Variants in PTCHD4 observed in about 807,000 individuals in gnomAD.
PTCHD4 encodes patched domain-containing protein 4.
In PTCHD4, 33 loss-of-function variants were observed where a neutral mutation model predicts 58.1. The ratio of observed to expected loss-of-function variants is 0.57; its 90% CI spans 0.43 to 0.76. PTCHD4 has a LOEUF of 0.76. Ranked by LOEUF, PTCHD4 falls within the 30% of genes least tolerant of loss-of-function variation. PTCHD4 has a pLI of 0.00. For synonymous variants in PTCHD4, 478 were observed against 409.6 expected, an observed-to-expected ratio of 1.17 and a Z score of -2.02; for missense variants, 1,058 against 1,027.1, an observed-to-expected ratio of 1.03 and a Z score of -0.41.
chr6:48,055,159 G>A (rs1375662176), intron 3 of PTCHD4, among the ~76,000 whole-genome samples: 1 of 152,112 alleles, frequency 6.6e-6, no homozygotes, highest in East Asian at 1.9e-4. Flanking sequence ...CAAGAAACAG[G>A]ATCCACCCAG....
At chr6:47,975,447 G>T (rs575924651) in intron 4 of PTCHD4, among the ~76,000 whole-genome samples, 1 of 150,726 alleles carries the variant, frequency 6.6e-6, no homozygotes, top group Non-Finnish European at 1.5e-5. Context: ...TGTGTAGAAC[G>T]TGCAGGTCTG....
intron 4 of PTCHD4, among the ~76,000 whole-genome samples, chr6:47,972,564 G>A (rs1169171145): frequency 1.3e-5 from 2 of 152,034 alleles, no homozygotes; most frequent in Admixed American, 1.3e-4. Context: ...ATTGTATAAA[G>A]TTTAGCAAAG....
intron 3 of PTCHD4, among the ~76,000 whole-genome samples, chr6:48,032,883 T>C (rs1261199411): frequency 6.6e-6 from 1 of 152,144 alleles, no homozygotes; most frequent in East Asian, 1.9e-4. Flanking sequence ...ATTATTTTTA[T>C]TTCTCTACCT....
At chr6:47,893,100 T>C (rs1351598198) in intron 4 of PTCHD4, among the ~76,000 whole-genome samples, 2 of 152,188 alleles carry the variant, frequency 1.3e-5, no homozygotes, top group Admixed American at 1.3e-4. Flanking sequence ...AACCTCTGCC[T>C]CCCGGGTTCA....
chr6:47,900,753 CCTTT>C (rs1270402776), intron 4 of PTCHD4: 1 of 152,090 alleles, frequency 6.6e-6, no homozygotes, highest in East Asian at 1.9e-4. Flanking sequence ...TGTCAAATGC[CCTTT>C]CTTTGTCTAT....
At chr6:47,992,268 T>C (rs1768306314) in intron 4 of PTCHD4, among the ~76,000 whole-genome samples, 1 of 150,798 alleles carries the variant, frequency 6.6e-6, no homozygotes, top group Non-Finnish European at 1.5e-5. Flanking sequence ...TATAATTGTG[T>C]ATATATATAC....
intron 4 of PTCHD4, among the ~76,000 whole-genome samples, chr6:47,904,784 G>A (rs1161400878): frequency 6.6e-6 from 1 of 152,180 alleles, no homozygotes; most frequent in Non-Finnish European, 1.5e-5. Flanking sequence ...AGTTTAATGT[G>A]CTAGAGAGAT....
intron 1 of PTCHD4, among the ~76,000 whole-genome samples, chr6:48,089,680 A>G (rs573605536): frequency 6.6e-6 from 1 of 152,336 alleles, no homozygotes. Flanking sequence ...TTTAAATAGT[A>G]TTTGATATCT....
At chr6:48,009,192 C>A in intron 3 of PTCHD4, 78 bp from the exon 4 acceptor site, 1 of 1,430,136 alleles carries the variant, frequency 7.0e-7, no homozygotes, top group East Asian at 2.4e-5. Flanking sequence ...AGTGAAGGAG[C>A]ACAAGGAAGG....
Position 47,878,319 on chromosome 6 carries a change from T to G in PTCHD4, c.2516A>C (p.His839Pro), listed in dbSNP as rs995670605. The change falls in exon 5 of 5, where the codon CAC becomes CCC. Residue 839 changes from histidine (H) to proline (P), a missense_variant. By Grantham distance (77) the His-to-Pro change is moderately conservative. Coordinates refer to ENST00000339488, the MANE Select transcript of PTCHD4 (RefSeq NM_001384253.1). The part of the protein sequence containing the change: ...ECIEIQENPD[H>P]VTTV ...CTATACCCCTCATACTGTGGTGACG[T>G]GATCCGGGTTCTCTTGAATTTCTAT... is the stretch of plus-strand genomic sequence containing the variant. 1.9e-5 allele frequency: 30 copies of G among 1,597,328 alleles called. No homozygotes were observed. The highest frequency in any genetic ancestry group is 2.6e-5 in the Non-Finnish European group (30 of 1,172,208).
chr6:48,105,708 C>T (rs1170209056), intron 1 of PTCHD4, among the ~76,000 whole-genome samples: 1 of 151,836 alleles, frequency 6.6e-6, no homozygotes, highest in Admixed American at 6.6e-5. Flanking sequence ...GCTAGCAAGA[C>T]TAATAAAGAA....
At chr6:48,074,670 T>TTTTGC (rs1245679823) in intron 1 of PTCHD4, among the ~76,000 whole-genome samples, 1 of 151,978 alleles carries the variant, frequency 6.6e-6, no homozygotes, top group Non-Finnish European at 1.5e-5. Flanking sequence ...GCAGAGTTTG[T>TTTTGC]TTTGTTTTGT....
At chr6:48,070,152 T>TGC (rs1764950358) in intron 1 of PTCHD4, among the ~76,000 whole-genome samples, 1 of 112,382 alleles carries the variant, frequency 8.9e-6, no homozygotes, top group African/African-American at 3.5e-5. Context: ...TGTGTGTGTG[T>TGC]GTGTATATAT....
At chr6:47,882,744 A>ATATATATATATATATATATATATATATG (rs1764058623) in intron 4 of PTCHD4, among the ~76,000 whole-genome samples, 1 of 143,904 alleles carries the variant, frequency 6.9e-6, no homozygotes, top group Non-Finnish European at 1.5e-5. Flanking sequence ...TTCCAGTGAT[A>ATATATATATATATATATATATATATATG]TATATATATA....
chr6:48,002,492 A>G (rs975708089), intron 4 of PTCHD4, among the ~76,000 whole-genome samples: 2 of 152,102 alleles, frequency 1.3e-5, no homozygotes, highest in African/African-American at 4.8e-5. Context: ...CATCATTGTC[A>G]GCAAACTATC....
chr6:47,949,210 G>C (rs143270116), intron 4 of PTCHD4, among the ~76,000 whole-genome samples: 16 of 152,256 alleles, frequency 1.1e-4, no homozygotes, highest in Admixed American at 3.3e-4. Flanking sequence ...AGAGCTAGCC[G>C]AGGACAGATT....
intron 3 of PTCHD4, among the ~76,000 whole-genome samples, chr6:48,036,016 T>C (rs575072349): frequency 4.3e-4 from 65 of 152,168 alleles, no homozygotes; most frequent in Non-Finnish European, 8.7e-4. Context: ...AATGGTGTCA[T>C]TGAATAACAT....
chr6:48,016,777 A>G (rs1762883260), intron 3 of PTCHD4, among the ~76,000 whole-genome samples: 3 of 150,754 alleles, frequency 2.0e-5, no homozygotes, highest in South Asian at 4.1e-4. Context: ...AAAAAAAATT[A>G]AAGTGATAAG....
At chr6:48,023,189 C>T (rs1475673452) in intron 3 of PTCHD4, among the ~76,000 whole-genome samples, 3 of 152,008 alleles carry the variant, frequency 2.0e-5, no homozygotes, top group Non-Finnish European at 4.4e-5. Flanking sequence ...TAGTTTTATA[C>T]TTTTGTGAGA....
Sources: allele counts gnomAD v4.1 joint callset (sites outside exome capture counted in the v4.1 genomes callset), GRCh38; gene constraint gnomAD v4.1.1; transcripts MANE v1.5; gene names NCBI Gene and HGNC (gene_info 2026-07-23, HGNC 2026-07-21).